The following KCNIP2 variants were observed in gnomAD, a reference collection of about 807,000 sequenced individuals.
The protein encoded by KCNIP2 is potassium voltage-gated channel interacting protein 2, also known as A-type potassium channel modulatory protein KCNIP2.
KCNIP2 carries 19 observed loss-of-function variants against 39.0 expected under a neutral mutation model. That is an observed-to-expected ratio of 0.49 (90% confidence interval 0.34 to 0.71). The LOEUF (loss-of-function observed/expected upper bound fraction) is 0.71. Ranked by LOEUF, KCNIP2 falls within the 30% of genes least tolerant of loss-of-function variation. The pLI, the probability that KCNIP2 is intolerant of heterozygous loss-of-function variation, is 0.01. For synonymous variants in KCNIP2, 111 were observed against 131.2 expected, an observed-to-expected ratio of 0.85 and a Z score of 1.05; for missense variants, 261 against 346.0, an observed-to-expected ratio of 0.75 and a Z score of 1.95.
intron 1 of KCNIP2, among the ~76,000 whole-genome samples, chr10:101,832,275 C>T (rs1024728833): frequency 2.0e-5 from 3 of 150,828 alleles, no homozygotes; most frequent in African/African-American, 7.4e-5. Flanking sequence ...TAATTGCACC[C>T]CCAGAGGACC....
chr10:101,836,911 A>G (rs548289120), intron 1 of KCNIP2, among the ~76,000 whole-genome samples: 22 of 152,038 alleles, frequency 1.4e-4, no homozygotes, highest in Admixed American at 7.9e-4. Context: ...CAGTGAGCCG[A>G]GATCACGCCA....
In KCNIP2 at chr10:101,838,368, G is replaced by A. The variant is rs2066224506; in HGVS notation, c.73+5128C>T. 6.6e-6 allele frequency among the ~76,000 whole-genome samples: 1 copy of A among 152,004 alleles called. No individual in the cohort carries two copies. Among genetic ancestry groups the A allele is most frequent in the African/African-American group, 2.4e-5 (1 of 41,376 alleles). ...CAAATGTGAGTAACACTGCCTTGTG[G>A]GGGAACCCACTCTATGCAACTGTCC... is the stretch of plus-strand genomic sequence containing the variant. On this transcript the variant is annotated intron_variant, in intron 1 of 9. Transcript: ENST00000356640. This position sits in a 1 kb window ranked among gnomAD's most constrained non-coding sequence, Gnocchi z 4.0.
chr10:101,831,205 C>G, intron 1 of KCNIP2, 38 bp from the exon 2 acceptor site: 1 of 1,434,812 alleles, frequency 7.0e-7, no homozygotes, highest in Non-Finnish European at 9.6e-7. Flanking sequence ...CACATTAACT[C>G]CCATTGTCCC....
At chr10:101,842,516 G>T (rs2066363399) in intron 1 of KCNIP2, among the ~76,000 whole-genome samples, 1 of 152,210 alleles carries the variant, frequency 6.6e-6, no homozygotes, top group African/African-American at 2.4e-5. Flanking sequence ...GGTTTGTTGG[G>T]GGTTGAAGGA....
At chr10:101,837,408 C>T (rs982440705) in intron 1 of KCNIP2, among the ~76,000 whole-genome samples, 3 of 152,096 alleles carry the variant, frequency 2.0e-5, no homozygotes, top group Non-Finnish European at 4.4e-5. Context: ...CAGTGGCTCA[C>T]GCCTATAATC....
At position 101,840,062 on chromosome 10, in the gene KCNIP2, G is replaced by GC. The variant is rs979407566; in HGVS notation, c.73+3433_73+3434insG. Reference sequence around the variant, plus strand: ...CCGCCCCCAAAGTTCCTGGACGGGGGGGGGGGGTGGCGGGGAGGGGCGGCG... The same window carrying GC: ...CCGCCCCCAAAGTTCCTGGACGGGGGCGGGGGGGTGGCGGGGAGGGGCGGCG... On this transcript the variant is annotated intron_variant, in intron 1 of 9. Coordinates refer to ENST00000356640, the MANE Select transcript of KCNIP2 (RefSeq NM_173191.3). 9.2e-5 allele frequency among the ~76,000 whole-genome samples: 14 copies of GC among 151,844 alleles called. 1 individual carries two copies. The highest frequency in any genetic ancestry group is 3.9e-4 in the Admixed American group (6 of 15,276).
intron 1 of KCNIP2, among the ~76,000 whole-genome samples, chr10:101,836,397 C>G (rs906536641): frequency 2.0e-5 from 3 of 151,590 alleles, no homozygotes; most frequent in African/African-American, 4.8e-5. Context: ...TGCACCACCA[C>G]GCCCAGCTGA....
At chr10:101,835,345 G>C (rs2066120257) in intron 1 of KCNIP2, among the ~76,000 whole-genome samples, 1 of 152,124 alleles carries the variant, frequency 6.6e-6, no homozygotes, top group African/African-American at 2.4e-5. Context: ...GGGGGGATAA[G>C]ATACAGTAGT....
At position 101,826,304 on chromosome 10, in the gene KCNIP2, T is replaced by TG. The variant is rs2065748172; in HGVS notation, c.*1048dup. 6.6e-6 allele frequency: 1 copy of TG among 152,316 alleles called. No individual in the cohort carries two copies. Among genetic ancestry groups the TG allele is most frequent in the Admixed American group, 6.6e-5 (1 of 15,246 alleles). 9.4% of individuals were successfully genotyped at this position (152,316 alleles called of 1,614,324 possible). On this transcript the variant is annotated 3_prime_UTR_variant, in exon 10 of 10. Coordinates refer to ENST00000356640, the MANE Select transcript of KCNIP2 (RefSeq NM_173191.3). ...ACTGAGGAGGTTATCTGGGGTGGGG[T>TG]GGGGAGAGCCCAGGTTGATTGAAGA...
rs1303593074 is a variant in KCNIP2, at chr10:101,840,554, C to A, written c.73+2942G>T. Among the ~76,000 whole-genome samples the A allele has an allele frequency of 5.6e-5, 8 of 143,000 alleles. 1 individual carries two copies. Among genetic ancestry groups the A allele is most frequent in the South Asian group, 2.4e-4 (1 of 4,116 alleles). The allele number at this position is 143,000 out of a possible 152,430, so 93.8% of individuals were successfully genotyped here. A position where few individuals can be genotyped will look rare whatever the true frequency, so the allele number is the denominator to read the frequency against. On this transcript the variant is annotated intron_variant, in intron 1 of 9. Transcript: ENST00000356640. ...TTCGAGAAGAGCCCCCCCCGCACCC[C>A]CCCCCCACTTCGGTCCCGCTGCGCC...
At position 101,827,888 on chromosome 10, in the gene KCNIP2, C is replaced by G; in HGVS notation, c.702+1G>C. On this transcript the variant is annotated splice_donor_variant, in intron 8 of 9. Coordinates refer to ENST00000356640, the MANE Select transcript of KCNIP2 (RefSeq NM_173191.3). LOFTEE classifies it high-confidence loss of function. ...CCTCCAGCCTACCCACTCCCAAGTA[C>G]CTGGAAGAAGCTCTCCACGTGTTCC... 1 of 1,611,770 alleles carries G rather than the reference C, an allele frequency of 6.2e-7. No homozygotes were observed. The highest frequency in any genetic ancestry group is 8.5e-7 in the Non-Finnish European group (1 of 1,177,838).
chr10:101,830,950 C>G, intron 2 of KCNIP2, 122 bp downstream of exon 2: 1 of 917,794 alleles, frequency 1.1e-6, no homozygotes, highest in Non-Finnish European at 1.7e-6. Context: ...CACGCCCCCC[C>G]ACACATGCAG....
chr10:101,833,480 C>G (rs1277931177), intron 1 of KCNIP2, among the ~76,000 whole-genome samples: 1 of 152,110 alleles, frequency 6.6e-6, no homozygotes, highest in Non-Finnish European at 1.5e-5. Context: ...ATAAATGTCT[C>G]CTTCACAATG....
rs899818097 is a variant in KCNIP2 at position 101,843,181 on chromosome 10, G to GCA, written c.73+314_73+315insTG. ...CATGGCAACCAGCTGTGGGAGGTGC[G>GCA]CGCGCACACACACACACACACACAG... On this transcript the variant is annotated intron_variant, in intron 1 of 9. Transcript: ENST00000356640. This position sits in a 1 kb window ranked among gnomAD's most constrained non-coding sequence, Gnocchi z 6.7. 5.3e-5 allele frequency among the ~76,000 whole-genome samples: 8 copies of GCA among 151,858 alleles called. No homozygotes were observed. The highest frequency in any genetic ancestry group is 1.9e-4 in the African/African-American group (8 of 41,188).
In KCNIP2 at chr10:101,831,064, G is replaced by A. The variant is rs1365822794; in HGVS notation, c.169+8C>T. ...CCCCGCCCCCGGAAGCACATGAGAG[G>A]CACTTGCTTTCACTGACTGAGGGCA... On this transcript the variant is annotated splice_region_variant and intron_variant, in intron 2 of 9. Transcript: ENST00000356640. 2 of 1,611,718 alleles carry A rather than the reference G, an allele frequency of 1.2e-6. No homozygotes were observed. Among genetic ancestry groups the A allele is most frequent in the South Asian group, 1.1e-5 (1 of 90,992 alleles).
rs2066221706 is a variant in KCNIP2, at chr10:101,838,241, T to C, written c.73+5255A>G. ...GGAAGCAATTTGGCAGAGTGGGAAC[T>C]CAAGGGAAAACCATCTCGAGGCATG... is the stretch of plus-strand genomic sequence containing the variant. On this transcript the variant is annotated intron_variant, in intron 1 of 9. Coordinates refer to ENST00000356640, the MANE Select transcript of KCNIP2 (RefSeq NM_173191.3). This position sits in a 1 kb window ranked among gnomAD's most constrained non-coding sequence, Gnocchi z 4.0. Among the ~76,000 whole-genome samples, 1 of 152,224 alleles carries C rather than the reference T, an allele frequency of 6.6e-6. No homozygotes were observed. The highest frequency in any genetic ancestry group is 1.5e-5 in the Non-Finnish European group (1 of 68,042).
chr10:101,841,212 C>T (rs553144983), intron 1 of KCNIP2, among the ~76,000 whole-genome samples: 1 of 152,316 alleles, frequency 6.6e-6, no homozygotes, highest in African/African-American at 2.4e-5. Flanking sequence ...GTGTAACTTT[C>T]CAGCTGCTTC....
At chr10:101,841,927 G>C (rs570388489) in intron 1 of KCNIP2, among the ~76,000 whole-genome samples, 2 of 152,356 alleles carry the variant, frequency 1.3e-5, no homozygotes, top group African/African-American at 4.8e-5. Context: ...GCTGGACAGT[G>C]GGTCCTTTGG....
At chr10:101,831,048 C>T in intron 2 of KCNIP2, 24 bp downstream of exon 2, 1 of 1,602,014 alleles carries the variant, frequency 6.2e-7, no homozygotes, top group Non-Finnish European at 8.5e-7. Flanking sequence ...GCCCCGCCCC[C>T]GGAAGCACAT....
Sources: gnomAD v4.1 joint callset for allele counts (sites outside exome capture counted in the v4.1 genomes callset) on GRCh38, gnomAD v4.1.1 for gene constraint, Gnocchi (gnomAD v3.1) non-coding constraint, MANE v1.5 for transcripts, NCBI Gene and HGNC (gene_info 2026-07-23, HGNC 2026-07-21) for gene names.